Variants in JARID2 observed in about 807,000 individuals in gnomAD.
JARID2 encodes the protein protein Jumonji.
Under a neutral mutation model 125.6 loss-of-function variants are expected in JARID2, and 21 were observed. The ratio of observed to expected loss-of-function variants is 0.17; its 90% CI spans 0.12 to 0.24. JARID2 has a LOEUF of 0.24. Among genes scored for constraint, JARID2 ranks in the 10% least tolerant of loss-of-function variants. The pLI is 1.00. For missense variants in JARID2, 1,303 were observed against 1,639.6 expected, an observed-to-expected ratio of 0.79 and a Z score of 3.55; for synonymous variants, 736 against 661.6, an observed-to-expected ratio of 1.11 and a Z score of -1.73.
At chr6:15,476,008 A>G (rs537564509) in intron 5 of JARID2, among the ~76,000 whole-genome samples, 1 of 152,236 alleles carries the variant, frequency 6.6e-6, no homozygotes, top group Admixed American at 6.5e-5. Flanking sequence ...TGACTTTTCC[A>G]TTACAGGGTA....
At chr6:15,405,369 A>G (rs1425987209) in intron 2 of JARID2, among the ~76,000 whole-genome samples, 2 of 152,224 alleles carry the variant, frequency 1.3e-5, no homozygotes, top group African/African-American at 4.8e-5. Context: ...TCGGCTGCAC[A>G]AATGGACACT....
chr6:15,278,447 G>GT (rs1272992839), intron 1 of JARID2, among the ~76,000 whole-genome samples: 3 of 151,886 alleles, frequency 2.0e-5, no homozygotes, highest in Admixed American at 6.6e-5. Context: ...TTAGCTGGGC[G>GT]TGATGGCTCA....
intron 3 of JARID2, among the ~76,000 whole-genome samples, chr6:15,441,831 G>C (rs1477995603): frequency 6.6e-6 from 1 of 151,542 alleles, no homozygotes; most frequent in Non-Finnish European, 1.5e-5. Context: ...TGCTCTTGTT[G>C]CCCAGCCTGG....
rs990480249 is a variant in JARID2 at position 15,518,044 on chromosome 6, C to T, written c.3558+776C>T. 5.3e-5 allele frequency among the ~76,000 whole-genome samples: 8 copies of T among 152,198 alleles called. No individual in the cohort carries two copies. In the East Asian group the frequency reaches 5.8e-4, roughly 11 times the overall value. ...CTGGATAAGCCTTGAGCTAAATGAT[C>T]GGAGAGCTGGAAGAAGAACTCTTTG... On this transcript the variant is annotated intron_variant, in intron 17 of 17. Coordinates refer to ENST00000341776, the MANE Select transcript of JARID2 (RefSeq NM_004973.4).
chr6:15,420,586 G>A (rs547841870), intron 3 of JARID2, among the ~76,000 whole-genome samples: 2 of 152,238 alleles, frequency 1.3e-5, no homozygotes, highest in African/African-American at 4.8e-5. Context: ...CTCCTCATCA[G>A]TCATATTTTC....
intron 16 of JARID2, among the ~76,000 whole-genome samples, chr6:15,513,752 CCATT>C (rs1363717598): frequency 1.3e-5 from 2 of 152,248 alleles, no homozygotes; most frequent in Non-Finnish European, 2.9e-5. Flanking sequence ...CTGCTCTTAC[CCATT>C]CTTTCTGAGG....
intron 3 of JARID2, among the ~76,000 whole-genome samples, chr6:15,433,410 C>CTCTCTGTGTG (rs1241800597): frequency 6.8e-4 from 97 of 143,516 alleles, no homozygotes; most frequent in South Asian, 3.0e-3. Context: ...CCATGTCTCT[C>CTCTCTGTGTG]TGTGTGTGTG....
intron 1 of JARID2, among the ~76,000 whole-genome samples, chr6:15,347,752 C>G (rs1271960251): frequency 6.6e-6 from 1 of 152,176 alleles, no homozygotes; most frequent in African/African-American, 2.4e-5. Context: ...GGATCTCGCT[C>G]TGTCACGCAA....
chr6:15,466,760 A>G (rs1159522722), intron 4 of JARID2, among the ~76,000 whole-genome samples: 6 of 152,200 alleles, frequency 3.9e-5, no homozygotes. Context: ...AACCATTTAG[A>G]TTGAGTATAT....
chr6:15,248,793 T>G (rs945609242), intron 1 of JARID2: 3 of 391,808 alleles, frequency 7.7e-6, no homozygotes, highest in Admixed American at 6.5e-5. Context: ...TCCTCCTCCG[T>G]GACGTCAAAA....
At chr6:15,395,202 A>C (rs1765172814) in intron 2 of JARID2, among the ~76,000 whole-genome samples, 1 of 152,176 alleles carries the variant, frequency 6.6e-6, no homozygotes, top group African/African-American at 2.4e-5. Flanking sequence ...CACTAGCAGC[A>C]TATGAGAGTA....
At chr6:15,336,317 A>T (rs1238304495) in intron 1 of JARID2, among the ~76,000 whole-genome samples, 1 of 152,250 alleles carries the variant, frequency 6.6e-6, no homozygotes, top group Non-Finnish European at 1.5e-5. Context: ...ATATTTCGCT[A>T]TTGCGAAGAT....
At chr6:15,283,277 C>T (rs1367901323) in intron 1 of JARID2, among the ~76,000 whole-genome samples, 7 of 149,814 alleles carry the variant, frequency 4.7e-5, no homozygotes, top group Non-Finnish European at 7.4e-5. Context: ...TGCGCCCGGC[C>T]GTTCTGGTAT....
At chr6:15,371,140 CA>C (rs1764152967) in intron 1 of JARID2, among the ~76,000 whole-genome samples, 1 of 152,188 alleles carries the variant, frequency 6.6e-6, no homozygotes, top group African/African-American at 2.4e-5. Context: ...CTGCTTGTGT[CA>C]GTAACTGAAC....
chr6:15,512,066 T>C (rs766258291), intron 13 of JARID2, 142 bp from the exon 14 acceptor site: 7 of 690,860 alleles, frequency 1.0e-5, no homozygotes, highest in Admixed American at 2.9e-5. Context: ...TCTTGTGTTA[T>C]GAATGACGTC....
chr6:15,424,831 C>T (rs915446550), intron 3 of JARID2, among the ~76,000 whole-genome samples: 4 of 152,182 alleles, frequency 2.6e-5, no homozygotes, highest in Non-Finnish European at 5.9e-5. Context: ...TGCACTCCAG[C>T]CTGGGCAACA....
intron 5 of JARID2, among the ~76,000 whole-genome samples, chr6:15,483,141 AG>A (rs1450354238): frequency 1.3e-5 from 2 of 152,258 alleles, no homozygotes; most frequent in African/African-American, 2.4e-5. Flanking sequence ...CTAAGTCCGA[AG>A]AACTATAGTG....
intron 2 of JARID2, among the ~76,000 whole-genome samples, chr6:15,406,366 G>A (rs749272801): frequency 6.6e-6 from 1 of 152,194 alleles, no homozygotes; most frequent in African/African-American, 2.4e-5. Context: ...CCTGGGAGGC[G>A]GAGGTTGCAG....
At chr6:15,388,594 T>C (rs1205223366) in intron 2 of JARID2, among the ~76,000 whole-genome samples, 1 of 148,224 alleles carries the variant, frequency 6.7e-6, no homozygotes, top group Non-Finnish European at 1.5e-5. Flanking sequence ...ATAAAATATA[T>C]ATATATAATT....
Sources: gnomAD v4.1 joint callset for allele counts (sites outside exome capture counted in the v4.1 genomes callset) on GRCh38, gnomAD v4.1.1 for gene constraint, MANE v1.5 for transcripts, NCBI Gene and HGNC (gene_info 2026-07-23, HGNC 2026-07-21) for gene names.